PCDHA1: variants seen among roughly 807,000 people sequenced by gnomAD.
PCDHA1 encodes protocadherin alpha 1, also known as protocadherin alpha-1.
A neutral mutation model predicts 61.3 loss-of-function variants in PCDHA1; 42 were observed. The ratio of observed to expected loss-of-function variants is 0.69; its 90% CI spans 0.54 to 0.89. The LOEUF (loss-of-function observed/expected upper bound fraction) is 0.89, where lower values mean the gene tolerates loss of function less well. Among genes scored for constraint, PCDHA1 ranks in the 40% least tolerant of loss-of-function variants. The pLI is 0.00. For synonymous variants in PCDHA1, 610 were observed against 553.8 expected (o/e 1.10, Z -1.43); for missense variants, 1,256 against 1,235.3 (o/e 1.02, Z -0.25).
At chr5:140,803,231 C>T (rs782637283) in intron 1 of PCDHA1, 1 of 1,613,844 alleles carries the variant, frequency 6.2e-7, no homozygotes, top group Admixed American at 1.7e-5. Flanking sequence ...CACCCAAGGC[C>T]TCGTCCCAGG....
intron 1 of PCDHA1, chr5:140,967,785 G>C: frequency 6.2e-7 from 1 of 1,614,176 alleles, no homozygotes; most frequent in Non-Finnish European, 8.5e-7. Flanking sequence ...GCGACTGACC[G>C]GGGTCCAGTG....
intron 1 of PCDHA1, chr5:140,823,184 G>A: frequency 6.2e-7 from 1 of 1,613,874 alleles, no homozygotes. Flanking sequence ...AACCCGCCAG[G>A]CTGCCACATC....
At chr5:140,849,467 TA>T (rs2040919541) in intron 1 of PCDHA1, 1 of 1,589,264 alleles carries the variant, frequency 6.3e-7, no homozygotes, top group African/African-American at 1.4e-5. Flanking sequence ...AGGCTGTCGA[TA>T]AAGGCTTCCC....
At chr5:140,825,397 ATAT>A (rs1768543114) in intron 1 of PCDHA1, 1 of 145,834 alleles carries the variant, frequency 6.9e-6, no homozygotes. Context: ...TATATCTAAT[ATAT>A]TATATATTTT....
At chr5:140,858,160 G>T in intron 1 of PCDHA1, 1 of 1,597,718 alleles carries the variant, frequency 6.3e-7, no homozygotes, top group Non-Finnish European at 8.6e-7. Context: ...CCATCTGCGC[G>T]GTGTCCAGCT....
intron 1 of PCDHA1, chr5:140,866,572 G>A (rs1184209628): frequency 1.3e-5 from 2 of 152,168 alleles, no homozygotes; most frequent in Non-Finnish European, 2.9e-5. Context: ...TGTTAATACA[G>A]TGGTTGGATA....
chr5:140,967,498 T>G, intron 1 of PCDHA1: 2 of 1,613,108 alleles, frequency 1.2e-6, no homozygotes, highest in Non-Finnish European at 1.7e-6. Flanking sequence ...CACAGATCTC[T>G]GTGCGTGTCC....
chr5:140,899,052 C>CCAA (rs1554188364), intron 1 of PCDHA1, among the ~76,000 whole-genome samples: 7 of 151,400 alleles, frequency 4.6e-5, no homozygotes, highest in Non-Finnish European at 1.0e-4. Flanking sequence ...TATCCTGAGA[C>CCAA]TTTGCTGAAG....
At chr5:140,968,795 A>G in intron 1 of PCDHA1, 2 of 1,614,210 alleles carry the variant, frequency 1.2e-6, no homozygotes, top group Non-Finnish European at 1.7e-6. Context: ...TGTGGCCATT[A>G]CAGTAGCTGT....
At chr5:140,963,523 A>T (rs2095769740) in intron 1 of PCDHA1, among the ~76,000 whole-genome samples, 1 of 152,218 alleles carries the variant, frequency 6.6e-6, no homozygotes. Flanking sequence ...CTCATAACAG[A>T]AGTCCCATTT....
chr5:140,799,725 C>T, intron 1 of PCDHA1, among the ~76,000 whole-genome samples: 1 of 152,058 alleles, frequency 6.6e-6, no homozygotes. Flanking sequence ...GCAGTCCTGG[C>T]TTCCATTTCA....
At chr5:141,001,536 A>G (rs562513933) in intron 3 of PCDHA1, among the ~76,000 whole-genome samples, 153 of 152,240 alleles carry the variant, frequency 1.0e-3, no homozygotes, top group African/African-American at 3.5e-3. Context: ...CTGATCCTGG[A>G]CAGGATTTGG....
At chr5:140,992,019 G>C (rs1326705755) in intron 3 of PCDHA1, among the ~76,000 whole-genome samples, 2 of 50,642 alleles carry the variant, frequency 3.9e-5, no homozygotes, top group African/African-American at 6.0e-5. Context: ...AGGTGGCTCT[G>C]TGTGTGTGTG....
intron 1 of PCDHA1, chr5:140,929,493 A>G: frequency 9.4e-7 from 1 of 1,059,368 alleles, no homozygotes; most frequent in Non-Finnish European, 1.3e-6. Flanking sequence ...GTATTAGAAG[A>G]TTGCCCTAGG....
At chr5:140,851,466 A>C in intron 1 of PCDHA1, 1 of 895,524 alleles carries the variant, frequency 1.1e-6, no homozygotes, top group Non-Finnish European at 1.4e-6. Context: ...AAATTATGTC[A>C]ATAAATGTTA....
chr5:140,983,766 T>C (rs1554245666), intron 3 of PCDHA1, among the ~76,000 whole-genome samples: 2 of 152,206 alleles, frequency 1.3e-5, no homozygotes, highest in African/African-American at 4.8e-5. Flanking sequence ...TTCAAATACA[T>C]ATCTACATAC....
chr5:140,987,536 A>G (rs555442118), intron 3 of PCDHA1, among the ~76,000 whole-genome samples: 126 of 152,290 alleles, frequency 8.3e-4, no homozygotes, highest in Non-Finnish European at 1.6e-3. Context: ...TCCTGGGACC[A>G]TTACTTAACT....
At chr5:140,910,719 C>T (rs527945930) in intron 1 of PCDHA1, among the ~76,000 whole-genome samples, 44 of 152,216 alleles carry the variant, frequency 2.9e-4, no homozygotes, top group African/African-American at 1.0e-3. Context: ...TCTTTTAATC[C>T]ATATTTCAGC....
At position 140,809,763 on chromosome 5, in the gene PCDHA1, T is replaced by C. The variant is rs186235899; in HGVS notation, c.2394+21079T>C. ...TATATTGCCTTCCTTCATTTTATGC[T>C]GCATTATTCAATGCATATTAACAGA... On this transcript the variant is annotated intron_variant, in intron 1 of 3. Transcript: ENST00000504120. The C allele has an allele frequency of 3.8e-4, 230 of 599,182 alleles. 1 individual carries two copies. The highest frequency in any genetic ancestry group is 9.1e-4 in the Middle Eastern group (2 of 2,206). 37.1% of individuals were successfully genotyped at this position (599,182 alleles called of 1,614,324 possible).
Sources: allele counts gnomAD v4.1 joint callset (sites outside exome capture counted in the v4.1 genomes callset), GRCh38; gene constraint gnomAD v4.1.1; transcripts MANE v1.5; gene names NCBI Gene and HGNC (gene_info 2026-07-23, HGNC 2026-07-21).